RCOR1: variants seen among roughly 807,000 people sequenced by gnomAD.
RCOR1 encodes REST corepressor.
In RCOR1, 12 loss-of-function variants were observed where a neutral mutation model predicts 64.0. The ratio of observed to expected loss-of-function variants is 0.19; its 90% CI spans 0.12 to 0.30. The LOEUF is 0.30. RCOR1 is among the 10% of genes least tolerant of loss of function. The probability of loss-of-function intolerance (pLI) is 1.00; values close to 1 mark genes in which losing one functional copy is unlikely to be tolerated. For synonymous variants in RCOR1, 279 were observed against 227.2 expected (o/e 1.23, Z -2.05); for missense variants, 502 against 621.2 (o/e 0.81, Z 2.04).
At chr14:102,664,635 C>T (rs998017714) in intron 2 of RCOR1, among the ~76,000 whole-genome samples, 25 of 152,126 alleles carry the variant, frequency 1.6e-4, no homozygotes, top group African/African-American at 5.3e-4. Flanking sequence ...TCAAACTTGT[C>T]GGTCTGGATT....
chr14:102,612,425 C>G (rs568127419), intron 2 of RCOR1, among the ~76,000 whole-genome samples: 1 of 151,876 alleles, frequency 6.6e-6, no homozygotes, highest in African/African-American at 2.4e-5. Flanking sequence ...TCTTGAACTC[C>G]TGCTCTTAAG....
intron 3 of RCOR1, among the ~76,000 whole-genome samples, chr14:102,688,117 C>T (rs1328189592): frequency 1.3e-5 from 2 of 152,106 alleles, no homozygotes; most frequent in Non-Finnish European, 2.9e-5. Context: ...CATGCGTGTG[C>T]CACCACACCC....
Position 102,685,062 on chromosome 14 carries a change from T to TTGTG in RCOR1, c.445+3098_445+3101dup, listed in dbSNP as rs56684051. ...GATGTCTGGAGATCCCTGGCTTTTC[T>TTGTG]TGTGTGTGTGTGTGTGTTTTTTTTT... is the stretch of plus-strand genomic sequence containing the variant. On this transcript the variant is annotated intron_variant, in intron 3 of 11. Coordinates refer to ENST00000262241, the MANE Select transcript of RCOR1 (RefSeq NM_015156.4). Among the ~76,000 whole-genome samples, 503 of 150,522 alleles carry TTGTG rather than the reference T, an allele frequency of 3.3e-3. 1 individual carries two copies. The highest frequency in any genetic ancestry group is 9.0e-3 in the African/African-American group (370 of 41,050).
intron 2 of RCOR1, among the ~76,000 whole-genome samples, chr14:102,651,674 G>T (rs1460028238): frequency 6.6e-6 from 1 of 152,128 alleles, no homozygotes; most frequent in Non-Finnish European, 1.5e-5. Flanking sequence ...GAAGTGAATT[G>T]ATATGAATAA....
At chr14:102,701,528 G>C in intron 4 of RCOR1, among the ~76,000 whole-genome samples, 198 bp downstream of exon 4, 1 of 152,002 alleles carries the variant, frequency 6.6e-6, no homozygotes, top group East Asian at 1.9e-4. Context: ...GATTTGAAAG[G>C]CATATCTGTC....
chr14:102,665,170 T>A (rs527390878), intron 2 of RCOR1, among the ~76,000 whole-genome samples: 157 of 152,208 alleles, frequency 1.0e-3, no homozygotes, highest in Non-Finnish European at 1.7e-3. Flanking sequence ...CATGCCTGAC[T>A]AATTCTGTGT....
At chr14:102,633,044 A>G (rs191175547) in intron 2 of RCOR1, among the ~76,000 whole-genome samples, 12 of 151,420 alleles carry the variant, frequency 7.9e-5, no homozygotes, top group African/African-American at 2.9e-4. Context: ...CCTGGACACA[A>G]GCCATCCTCC....
intron 3 of RCOR1, among the ~76,000 whole-genome samples, chr14:102,694,832 A>G (rs78541597): frequency 0.036 from 5,461 of 152,318 alleles, 181 homozygotes; most frequent in African/African-American, 0.084. Context: ...AAGATGCCAC[A>G]ATATTTGTTA....
chr14:102,661,942 G>A (rs1217287931), intron 2 of RCOR1, among the ~76,000 whole-genome samples: 1 of 151,234 alleles, frequency 6.6e-6, no homozygotes, highest in Non-Finnish European at 1.5e-5. Flanking sequence ...TTTATTTTTT[G>A]TAGTGACAGG....
chr14:102,615,263 G>T (rs1354754196), intron 2 of RCOR1, among the ~76,000 whole-genome samples: 2 of 149,998 alleles, frequency 1.3e-5, no homozygotes, highest in Non-Finnish European at 3.0e-5. Flanking sequence ...CTCCCAAGTA[G>T]CTGGAACTAC....
chr14:102,671,804 C>A (rs1895036981), intron 2 of RCOR1, among the ~76,000 whole-genome samples: 2 of 152,156 alleles, frequency 1.3e-5, no homozygotes, highest in South Asian at 4.1e-4. Context: ...AACATTTTAT[C>A]ATCCCATGAA....
intron 2 of RCOR1, among the ~76,000 whole-genome samples, chr14:102,675,355 A>T (rs1464325186): frequency 6.6e-6 from 1 of 152,198 alleles, no homozygotes; most frequent in Non-Finnish European, 1.5e-5. Context: ...CTATGCATAC[A>T]TACCTATGAT....
intron 2 of RCOR1, among the ~76,000 whole-genome samples, chr14:102,602,158 CAAA>C (rs35761645): frequency 9.1e-5 from 12 of 132,584 alleles, no homozygotes; most frequent in Non-Finnish European, 9.6e-5. Context: ...GACTCCGTCT[CAAA>C]AAAAAAAAAA....
chr14:102,612,789 G>C (rs923274044), intron 2 of RCOR1, among the ~76,000 whole-genome samples: 1 of 151,674 alleles, frequency 6.6e-6, no homozygotes, highest in Non-Finnish European at 1.5e-5. Flanking sequence ...AGGAGCTAGA[G>C]ATCAGCTTGG....
At position 102,671,730 on chromosome 14, in the gene RCOR1, T is replaced by C. The variant is rs534104226; in HGVS notation, c.362-10165T>C. 5.9e-5 allele frequency among the ~76,000 whole-genome samples: 9 copies of C among 152,358 alleles called. 1 individual carries two copies. The East Asian group carries it at 1.7e-3, about 29-fold the overall frequency. On this transcript the variant is annotated intron_variant, in intron 2 of 11. Coordinates refer to ENST00000262241, the MANE Select transcript of RCOR1 (RefSeq NM_015156.4). ...ACACGCAGTTCACTTATTTAAAATA[T>C]GCAAAATTCAGTGGTTTTCGGTATA... is the stretch of plus-strand genomic sequence containing the variant.
chr14:102,720,965 T>C lies in RCOR1; in HGVS notation c.1054-42T>C, dbSNP rs548616194. 3.2e-5 allele frequency: 35 copies of C among 1,100,496 alleles called. No individual in the cohort carries two copies. The East Asian group carries it at 5.8e-4, about 18-fold the overall frequency. 68.2% of individuals were successfully genotyped at this position (1,100,496 alleles called of 1,614,324 possible). On this transcript the variant is annotated intron_variant, in intron 8 of 11. Transcript: ENST00000262241. ...TAAGTTCTGTTTTCATACCTTTATATAGTTTTTATTTTTAAAATGAAAATT... is the reference window on the plus strand; with the variant it reads ...TAAGTTCTGTTTTCATACCTTTATACAGTTTTTATTTTTAAAATGAAAATT...
At chr14:102,672,136 A>G (rs1470972475) in intron 2 of RCOR1, among the ~76,000 whole-genome samples, 2 of 152,290 alleles carry the variant, frequency 1.3e-5, no homozygotes, top group African/African-American at 4.8e-5. Flanking sequence ...GAAAATTTAT[A>G]TACAAATTAT....
intron 2 of RCOR1, among the ~76,000 whole-genome samples, chr14:102,627,650 C>T (rs540422056): frequency 6.7e-6 from 1 of 149,880 alleles, no homozygotes; most frequent in Non-Finnish European, 1.5e-5. Flanking sequence ...GAGTGAGACT[C>T]TGTCTTAAAA....
intron 7 of RCOR1, among the ~76,000 whole-genome samples, chr14:102,711,222 A>G (rs910075856): frequency 7.9e-5 from 12 of 152,272 alleles, no homozygotes; most frequent in Non-Finnish European, 1.3e-4. Context: ...CTTAAAGGAT[A>G]GAAAATAGCA....
Sources: gnomAD v4.1 joint callset for allele counts (sites outside exome capture counted in the v4.1 genomes callset) on GRCh38, gnomAD v4.1.1 for gene constraint, MANE v1.5 for transcripts, NCBI Gene and HGNC (gene_info 2026-07-23, HGNC 2026-07-21) for gene names.